Variants in SCN9A observed in about 807,000 individuals in gnomAD.
The protein encoded by SCN9A is sodium voltage-gated channel alpha subunit 9.
A neutral mutation model predicts 187.0 loss-of-function variants in SCN9A; 131 were observed. The ratio of observed to expected loss-of-function variants is 0.70; its 90% CI spans 0.61 to 0.81. SCN9A has a LOEUF of 0.81. SCN9A is among the 30% of genes least tolerant of loss of function. The pLI, the probability that SCN9A is intolerant of heterozygous loss-of-function variation, is 0.00. For missense variants in SCN9A, 2,252 were observed against 2,396.6 expected (o/e 0.94, Z 1.26); for synonymous variants, 809 against 808.6 (o/e 1.00, Z -0.01).
chr2:166,210,694 A>G (rs1034247408), intron 24 of SCN9A, among the ~76,000 whole-genome samples: 3 of 152,054 alleles, frequency 2.0e-5, no homozygotes, highest in Admixed American at 1.3e-4. Context: ...TGACTAAAAT[A>G]TGTTCAAATT....
At chr2:166,366,644 T>C (rs1283834678) in intron 1 of SCN9A, among the ~76,000 whole-genome samples, 1 of 152,212 alleles carries the variant, frequency 6.6e-6, no homozygotes, top group African/African-American at 2.4e-5. Flanking sequence ...CTTCACATTC[T>C]CAACAACACC....
chr2:166,207,689 C>T (rs1693879298), intron 24 of SCN9A, among the ~76,000 whole-genome samples: 1 of 152,268 alleles, frequency 6.6e-6, no homozygotes, highest in East Asian at 1.9e-4. Context: ...GATCTGCCAG[C>T]CTTGGCCTCC....
rs1574760618 is a variant in SCN9A at position 166,228,549 on chromosome 2, G to A, written c.4206+142C>T. ...AGAGACTACAGGCATGAGCCACTGC[G>A]CCCGGCCAAGACTGGCACTGTTTTA... is the stretch of plus-strand genomic sequence containing the variant. On this transcript the variant is annotated intron_variant, in intron 22 of 26. Coordinates refer to ENST00000642356, the MANE Select transcript of SCN9A (RefSeq NM_001365536.1). 2.1e-5 allele frequency: 17 copies of A among 809,998 alleles called. 1 individual carries two copies. Among genetic ancestry groups the A allele is most frequent in the East Asian group, 8.3e-5 (3 of 36,302 alleles). The allele number at this position is 809,998 out of a possible 1,614,324, so 50.2% of individuals were successfully genotyped here. A position where few individuals can be genotyped will look rare whatever the true frequency, so the allele number is the denominator to read the frequency against.
rs1693507104 is a variant in SCN9A at position 166,201,332 on chromosome 2, T to C, written c.4775-1468A>G. 2.0e-5 allele frequency among the ~76,000 whole-genome samples: 3 copies of C among 148,260 alleles called. No individual in the cohort carries two copies. The South Asian group carries it at 6.3e-4, about 31-fold the overall frequency. On this transcript the variant is annotated intron_variant, in intron 26 of 26. Coordinates refer to ENST00000642356, the MANE Select transcript of SCN9A (RefSeq NM_001365536.1). The stretch of plus-strand genomic sequence containing the variant: ...ACGTATATACAGTACATAGTATATG[T>C]ATACTATATAGTATGTATATATAGC...
chr2:166,199,601 T>G lies in SCN9A; in HGVS notation c.5038A>C (p.Asn1680His). Reference sequence around the variant, plus strand: ...ATACTGTTGCCAAAGGTCTCAAAATTGAACATGTCATTAATTCCATCTTCC... The same window carrying G: ...ATACTGTTGCCAAAGGTCTCAAAATGGAACATGTCATTAATTCCATCTTCC... ...KKEDGINDMF[N>H]FETFGNSMIC... Residue 1680 changes from asparagine to histidine, a missense_variant, in exon 27 of 27, where the codon AAT (asparagine) becomes CAT (histidine). Around this residue, in one of 7 missense-constraint regions of SCN9A, gnomAD observed 84 missense variants for 134.2 expected, o/e 0.63. Coordinates refer to ENST00000642356, the MANE Select transcript of SCN9A (RefSeq NM_001365536.1). The G allele has an allele frequency of 5.0e-6, 8 of 1,614,196 alleles. No individual in the cohort carries two copies. The highest frequency in any genetic ancestry group is 6.8e-6 in the Non-Finnish European group (8 of 1,180,024).
intron 1 of SCN9A, among the ~76,000 whole-genome samples, chr2:166,326,284 G>T (rs931020388): frequency 2.6e-5 from 4 of 152,110 alleles, no homozygotes; most frequent in Non-Finnish European, 4.4e-5. Context: ...AAAGTCAAAG[G>T]TGCGAAACGA....
chr2:166,244,755 G>T (rs1175914486), intron 18 of SCN9A, among the ~76,000 whole-genome samples: 1 of 151,960 alleles, frequency 6.6e-6, no homozygotes, highest in South Asian at 2.1e-4. Context: ...TCACACTGTT[G>T]AGCTACTGTG....
chr2:166,271,874 AAGAGAG>A (rs147667733), intron 17 of SCN9A, among the ~76,000 whole-genome samples: 9 of 149,552 alleles, frequency 6.0e-5, no homozygotes, highest in Non-Finnish European at 1.0e-4. Flanking sequence ...TAAAAAAAAG[AAGAGAG>A]AGAGAGAGAG....
intron 2 of SCN9A, among the ~76,000 whole-genome samples, 170 bp downstream of exon 2, chr2:166,311,329 C>CATATA (rs1559034298): frequency 8.4e-5 from 4 of 47,902 alleles, no homozygotes; most frequent in Admixed American, 6.7e-4. Flanking sequence ...TTCTGAATAT[C>CATATA]CTATATATAT....
chr2:166,339,703 G>A (rs1699716472), intron 1 of SCN9A, among the ~76,000 whole-genome samples: 1 of 152,128 alleles, frequency 6.6e-6, no homozygotes, highest in Non-Finnish European at 1.5e-5. Flanking sequence ...TTAATTACTT[G>A]TAAATGTAGC....
At chr2:166,334,255 A>G (rs1699575653) in intron 1 of SCN9A, among the ~76,000 whole-genome samples, 1 of 152,254 alleles carries the variant, frequency 6.6e-6, no homozygotes, top group Admixed American at 6.5e-5. Flanking sequence ...AAAATTCTTC[A>G]TTAGTAGAGT....
chr2:166,284,952 T>A, intron 11 of SCN9A, 128 bp from the exon 12 acceptor site: 1 of 977,790 alleles, frequency 1.0e-6, no homozygotes. Context: ...GAAACATACT[T>A]AAAAACGAAG....
chr2:166,338,792 G>C (rs73972306), intron 1 of SCN9A, among the ~76,000 whole-genome samples: 1 of 152,030 alleles, frequency 6.6e-6, no homozygotes, highest in Non-Finnish European at 1.5e-5. Flanking sequence ...TGTAGAATGC[G>C]TCTCAACTTG....
chr2:166,373,498 A>G (rs1700613859), intron 1 of SCN9A, among the ~76,000 whole-genome samples: 1 of 152,072 alleles, frequency 6.6e-6, no homozygotes, highest in Admixed American at 6.6e-5. Flanking sequence ...GGCCGTGTAG[A>G]TACAGAAAAG....
At position 166,252,862 on chromosome 2, in the gene SCN9A, G is replaced by A. The variant is rs534314752; in HGVS notation, c.3352-977C>T. Among the ~76,000 whole-genome samples, 9 of 151,852 alleles carry A rather than the reference G, an allele frequency of 5.9e-5. No individual in the cohort carries two copies. In the South Asian group the frequency reaches 1.9e-3, roughly 32 times the overall value. On this transcript the variant is annotated intron_variant, in intron 17 of 26. Coordinates refer to ENST00000642356, the MANE Select transcript of SCN9A (RefSeq NM_001365536.1). The stretch of plus-strand genomic sequence containing the variant: ...ATTTCCCAAATATTGTTTTATAAAG[G>A]AGTAAAGCAGCATATCAATGGAAGA...
chr2:166,245,092 T>C (rs1390229673), intron 18 of SCN9A, among the ~76,000 whole-genome samples: 3 of 152,084 alleles, frequency 2.0e-5, no homozygotes, highest in African/African-American at 7.2e-5. Context: ...CATTTCTTTT[T>C]TATTTCACTG....
At chr2:166,295,731 T>C (rs1394332143) in intron 7 of SCN9A, among the ~76,000 whole-genome samples, 1 of 152,210 alleles carries the variant, frequency 6.6e-6, no homozygotes, top group Non-Finnish European at 1.5e-5. Context: ...ATTATCTTAC[T>C]TTTCATTCAC....
Position 166,284,546 on chromosome 2 carries a change from C to T in SCN9A, c.1881G>A (p.Val627=). The change falls in exon 12 of 27, where the codon GTG becomes GTA. Residue 627 remains valine (V), a synonymous_variant. Coordinates refer to ENST00000642356, the MANE Select transcript of SCN9A (RefSeq NM_001365536.1). ...CTGAGCGTCCATCAACCAGGGAGAC[C>T]ACACCGTTGCAGTCCACAGCACTGT... is the stretch of plus-strand genomic sequence containing the variant. ...KMHSAVDCNG[V]VSLVDGRSAL... The T allele has an allele frequency of 1.2e-6, 2 of 1,614,134 alleles. No individual in the cohort carries two copies. The highest frequency in any genetic ancestry group is 1.7e-6 in the Non-Finnish European group (2 of 1,179,998).
intron 1 of SCN9A, among the ~76,000 whole-genome samples, chr2:166,321,879 C>G (rs1244885027): frequency 6.7e-6 from 1 of 148,896 alleles, no homozygotes; most frequent in Non-Finnish European, 1.5e-5. Flanking sequence ...TTTGCTCATA[C>G]TCACTCATCC....
Sources: gnomAD v4.1 joint callset for allele counts (sites outside exome capture counted in the v4.1 genomes callset) on GRCh38, gnomAD v4.1.1 for gene constraint, gnomAD v4.1.1 regional missense constraint, MANE v1.5 for transcripts, NCBI Gene and HGNC (gene_info 2026-07-23, HGNC 2026-07-21) for gene names.